Variants in NALF1 observed in about 807,000 individuals in gnomAD.
NALF1 encodes family with sequence similarity 155 member A.
Under a neutral mutation model 48.4 loss-of-function variants are expected in NALF1, and 3 were observed. The observed-to-expected ratio is 0.06, with a 90% CI of 0.03 to 0.16. The LOEUF (loss-of-function observed/expected upper bound fraction) is 0.16. Ranked by LOEUF, NALF1 falls within the 10% of genes least tolerant of loss-of-function variation. The probability of loss-of-function intolerance (pLI) is 1.00; values close to 1 mark genes in which losing one functional copy is unlikely to be tolerated. For synonymous variants in NALF1, 262 were observed against 245.7 expected (o/e 1.07, Z -0.62); for missense variants, 526 against 571.5 (o/e 0.92, Z 0.81).
chr13:107,171,519 C>G (rs1294837462), intron 2 of NALF1, among the ~76,000 whole-genome samples: 1 of 152,208 alleles, frequency 6.6e-6, no homozygotes, highest in Non-Finnish European at 1.5e-5. Context: ...TCTCTCTCCG[C>G]TTCTCTTGTT....
intron 1 of NALF1, among the ~76,000 whole-genome samples, chr13:107,718,103 C>A (rs1875875560): frequency 1.3e-5 from 2 of 152,098 alleles, no homozygotes; most frequent in Non-Finnish European, 2.9e-5. Flanking sequence ...TCCCTCATCC[C>A]GAGGCGAGAG....
intron 1 of NALF1, among the ~76,000 whole-genome samples, chr13:107,616,637 G>C (rs766677882): frequency 6.6e-6 from 1 of 152,196 alleles, no homozygotes; most frequent in Non-Finnish European, 1.5e-5. Flanking sequence ...CAAAGCAAAT[G>C]TCAGTAGCTG....
At chr13:107,260,555 GCT>G (rs1268333359) in intron 1 of NALF1, among the ~76,000 whole-genome samples, 4 of 152,166 alleles carry the variant, frequency 2.6e-5, no homozygotes, top group Admixed American at 2.0e-4. Context: ...TGATTTTCCA[GCT>G]CTGTTTCTTC....
At chr13:107,833,190 T>G (rs182949424) in intron 1 of NALF1, among the ~76,000 whole-genome samples, 4 of 152,302 alleles carry the variant, frequency 2.6e-5, no homozygotes, top group Non-Finnish European at 5.9e-5. Flanking sequence ...ACACGTCTGA[T>G]GAATAATTTG....
intron 1 of NALF1, among the ~76,000 whole-genome samples, chr13:107,271,814 A>ATATATATATATATATATT (rs1374366280): frequency 1.1e-4 from 11 of 102,546 alleles, no homozygotes; most frequent in Non-Finnish European, 1.3e-4. Flanking sequence ...ATATATATAT[A>ATATATATATATATATATT]TATTTATATA....
chr13:107,177,057 G>A (rs1003778961), intron 2 of NALF1, among the ~76,000 whole-genome samples: 2 of 151,572 alleles, frequency 1.3e-5, no homozygotes, highest in East Asian at 1.9e-4. Flanking sequence ...TACAAAAATC[G>A]GTAACATTTC....
intron 1 of NALF1, among the ~76,000 whole-genome samples, chr13:107,236,225 G>C (rs1880339061): frequency 6.6e-6 from 1 of 152,122 alleles, no homozygotes; most frequent in African/African-American, 2.4e-5. Context: ...TTCTGTCTCA[G>C]ACATGCTGTC....
chr13:107,373,341 G>C (rs1393366762), intron 1 of NALF1, among the ~76,000 whole-genome samples: 2 of 152,174 alleles, frequency 1.3e-5, no homozygotes, highest in Non-Finnish European at 2.9e-5. Context: ...CAGATGTTGA[G>C]ACCTGGAGAA....
At chr13:107,385,552 CAAAAAAAAAAAAAA>C (rs201307018) in intron 1 of NALF1, among the ~76,000 whole-genome samples, 81,719 of 120,116 alleles carry the variant, frequency 0.68, 24,556 homozygotes, top group Middle Eastern at 0.77. Flanking sequence ...GATTCCATCT[CAAAAAAAAAAAAAA>C]AAAAAAAAAA....
At chr13:107,232,556 G>C (rs1374205691) in intron 1 of NALF1, among the ~76,000 whole-genome samples, 1 of 152,052 alleles carries the variant, frequency 6.6e-6, no homozygotes, top group Non-Finnish European at 1.5e-5. Context: ...TGTCACAAAG[G>C]AGCTCTTCTT....
At chr13:107,515,547 G>A (rs973364094) in intron 1 of NALF1, among the ~76,000 whole-genome samples, 7 of 152,198 alleles carry the variant, frequency 4.6e-5, no homozygotes, top group Admixed American at 1.3e-4. Context: ...AATAAACACT[G>A]GGTTTGAAAC....
rs144606721 is a variant in NALF1, at chr13:107,270,651, T to TTA, written c.916-59898_916-59897dup. Reference sequence around the variant, plus strand: ...GGAAAACTGGAAACTTTGTTGATAGTTATATATATATATATTTTTATTATT... The same window carrying TTA: ...GGAAAACTGGAAACTTTGTTGATAGTTATATATATATATATATTTTTATTATT... On this transcript the variant is annotated intron_variant, in intron 1 of 2. Coordinates refer to ENST00000375915, the MANE Select transcript of NALF1 (RefSeq NM_001080396.3). Among the ~76,000 whole-genome samples, 553 of 99,686 alleles carry TTA rather than the reference T, an allele frequency of 5.5e-3. 4 individuals are homozygous for TTA. The highest frequency in any genetic ancestry group is 0.014 in the African/African-American group (505 of 36,986). 65.4% of individuals were successfully genotyped at this position (99,686 alleles called of 152,430 possible).
intron 1 of NALF1, among the ~76,000 whole-genome samples, chr13:107,325,887 T>C (rs199975779): frequency 0.14 from 8,017 of 59,030 alleles, 703 homozygotes; most frequent in East Asian, 0.35. Context: ...TATATATATA[T>C]ACACACACAC....
intron 1 of NALF1, among the ~76,000 whole-genome samples, chr13:107,688,519 A>G (rs1031945399): frequency 2.6e-5 from 4 of 152,238 alleles, no homozygotes; most frequent in African/African-American, 9.6e-5. Context: ...AAAATGTGTC[A>G]GATGTGCATG....
intron 1 of NALF1, among the ~76,000 whole-genome samples, chr13:107,682,441 G>A (rs942657304): frequency 7.2e-5 from 11 of 152,170 alleles, no homozygotes; most frequent in African/African-American, 2.6e-4. Context: ...GCCTAACACA[G>A]GCTGTTCCTG....
chr13:107,716,351 C>T (rs1208869505), intron 1 of NALF1, among the ~76,000 whole-genome samples: 2 of 152,154 alleles, frequency 1.3e-5, no homozygotes, highest in African/African-American at 4.8e-5. Flanking sequence ...TGTTTTGTTT[C>T]CCGGTGCCAT....
intron 1 of NALF1, among the ~76,000 whole-genome samples, chr13:107,403,450 G>T (rs1235851644): frequency 3.3e-5 from 5 of 151,544 alleles, no homozygotes; most frequent in Non-Finnish European, 7.4e-5. Context: ...GAAAAAAGTA[G>T]CATGCTTGAA....
intron 1 of NALF1, among the ~76,000 whole-genome samples, chr13:107,574,364 T>G (rs563597785): frequency 3.3e-5 from 5 of 152,206 alleles, no homozygotes; most frequent in African/African-American, 4.8e-5. Context: ...TATGATTAAT[T>G]GTTCACTTGT....
intron 1 of NALF1, among the ~76,000 whole-genome samples, chr13:107,753,518 A>C (rs1876999977): frequency 6.7e-6 from 1 of 150,296 alleles, no homozygotes; most frequent in Admixed American, 6.6e-5. Context: ...TTTATCTTCA[A>C]GGGATGATGA....
Sources: gnomAD v4.1 joint callset for allele counts (sites outside exome capture counted in the v4.1 genomes callset) on GRCh38, gnomAD v4.1.1 for gene constraint, MANE v1.5 for transcripts, NCBI Gene and HGNC (gene_info 2026-07-23, HGNC 2026-07-21) for gene names.